Variants in GATAD1 observed in about 807,000 individuals in gnomAD.
GATAD1 encodes GATA zinc finger domain-containing protein 1.
Under a neutral mutation model 26.5 loss-of-function variants are expected in GATAD1, and 12 were observed. The observed-to-expected ratio is 0.45, with a 90% CI of 0.29 to 0.73. The LOEUF is 0.73. Ranked by LOEUF, GATAD1 falls within the 30% of genes least tolerant of loss-of-function variation. The pLI is 0.10. For missense variants in GATAD1, 266 were observed against 342.1 expected, an observed-to-expected ratio of 0.78 and a Z score of 1.75; for synonymous variants, 129 against 133.1, an observed-to-expected ratio of 0.97 and a Z score of 0.21.
intron 4 of GATAD1, 92 bp from the exon 5 acceptor site, chr7:92,456,280 G>A (rs1789667424): frequency 4.3e-6 from 3 of 696,004 alleles, no homozygotes; most frequent in Non-Finnish European, 2.4e-6. Flanking sequence ...CTCCCAGAGT[G>A]GTCTCTCCCA....
the GATAD1 span, chr7:92,477,324 C>T: frequency 6.6e-6 from 1 of 152,302 alleles, no homozygotes; most frequent in African/African-American, 2.4e-5. Context: ...GTATTTTCCT[C>T]CAATTCTAAG....
At chr7:92,463,377 G>A (rs1371717302), downstream of GATAD1, among the ~76,000 whole-genome samples, 6 of 152,118 alleles carry the variant, frequency 3.9e-5, no homozygotes, top group Admixed American at 6.6e-5. Flanking sequence ...CTGGGCTGGC[G>A]CAGTGGCTCA....
the GATAD1 span, among the ~76,000 whole-genome samples, chr7:92,482,264 C>T: frequency 6.6e-6 from 1 of 152,148 alleles, no homozygotes; most frequent in Non-Finnish European, 1.5e-5. Context: ...GTGAAAAAAG[C>T]ATCTTTAAGA....
At chr7:92,468,621 G>A in the GATAD1 span, 13 of 561,204 alleles carry the variant, frequency 2.3e-5, no homozygotes, top group Admixed American at 9.9e-5. Flanking sequence ...TGCAAGCCCC[G>A]TGTTTAAAGG....
chr7:92,470,114 T>G, the GATAD1 span: 1 of 778,890 alleles, frequency 1.3e-6, no homozygotes, highest in Non-Finnish European at 2.4e-6. Context: ...TTAATCATTT[T>G]TCCTGTCCAA....
chr7:92,494,170 TA>T, the GATAD1 span: 1 of 782,628 alleles, frequency 1.3e-6, no homozygotes, highest in East Asian at 2.7e-5. Flanking sequence ...AAACAGTGGC[TA>T]AAGCTTTTCC....
At chr7:92,487,643 G>A in the GATAD1 span, 15 of 515,992 alleles carry the variant, frequency 2.9e-5, no homozygotes, top group Admixed American at 2.7e-4. Context: ...AGAAATGAAC[G>A]GGAAATAACA....
the GATAD1 span, among the ~76,000 whole-genome samples, chr7:92,479,324 T>A: frequency 6.6e-6 from 1 of 151,830 alleles, no homozygotes; most frequent in African/African-American, 2.4e-5. Context: ...GGTGGGGCCA[T>A]TTTATAGGAT....
At chr7:92,454,869 A>G (rs1789602890) in intron 4 of GATAD1, among the ~76,000 whole-genome samples, 184 bp downstream of exon 4, 1 of 152,194 alleles carries the variant, frequency 6.6e-6, no homozygotes, top group South Asian at 2.1e-4. Flanking sequence ...TGCTGGCAAC[A>G]CGGATTTCTG....
At chr7:92,492,936 T>G in the GATAD1 span, 1 of 1,598,064 alleles carries the variant, frequency 6.3e-7, no homozygotes, top group African/African-American at 1.3e-5. Flanking sequence ...TCATAACAAC[T>G]TCCTCATATA....
chr7:92,492,890 T>G, the GATAD1 span: 1 of 1,297,694 alleles, frequency 7.7e-7, no homozygotes, highest in Non-Finnish European at 1.1e-6. Flanking sequence ...AAGGTGGAAA[T>G]TTTGACATTG....
At position 92,454,581 on chromosome 7, in the gene GATAD1, G is replaced by C. The variant is rs1237515001; in HGVS notation, c.515G>C (p.Gly172Ala). Residue 172 changes from glycine to alanine, a missense_variant, in exon 4 of 5, where the codon GGT (glycine) becomes GCT (alanine). Gly to Ala is a moderately conservative substitution (Grantham distance 60, BLOSUM62 0). Transcript: ENST00000287957. ...DGKPYYAQIR[G>A]FIQDQYCEKS... The stretch of plus-strand genomic sequence containing the variant: ...AAGCCCTACTATGCTCAAATCAGAG[G>C]TTTTATCCAGGACCAGTATTGCGAG... 2 of 1,613,102 alleles carry C rather than the reference G, an allele frequency of 1.2e-6. No homozygotes were observed. The highest frequency in any genetic ancestry group is 1.7e-6 in the Non-Finnish European group (2 of 1,179,176).
chr7:92,482,450 T>G, the GATAD1 span, among the ~76,000 whole-genome samples: 3 of 152,160 alleles, frequency 2.0e-5, no homozygotes, highest in East Asian at 5.8e-4. Flanking sequence ...TATGGAGAGT[T>G]TATAGGTTTT....
chr7:92,468,938 C>T, the GATAD1 span: 1 of 763,978 alleles, frequency 1.3e-6, no homozygotes, highest in Non-Finnish European at 2.4e-6. Context: ...AGTTTTACAG[C>T]TTCGATTCTG....
the GATAD1 span, among the ~76,000 whole-genome samples, chr7:92,474,012 G>C: frequency 6.6e-6 from 1 of 152,044 alleles, no homozygotes; most frequent in Non-Finnish European, 1.5e-5. Flanking sequence ...ACTTCTACTT[G>C]GACAATCTTT....
the GATAD1 span, chr7:92,472,640 T>C: frequency 1.3e-5 from 2 of 152,240 alleles, no homozygotes; most frequent in African/African-American, 2.4e-5. Flanking sequence ...CCTTAATTAG[T>C]GTATTTAATG....
chr7:92,452,393 G>T (rs1166243665), intron 3 of GATAD1, among the ~76,000 whole-genome samples: 1 of 152,244 alleles, frequency 6.6e-6, no homozygotes, highest in Non-Finnish European at 1.5e-5. Context: ...ATGGTGGCAA[G>T]TTCAAGAGGT....
At chr7:92,488,046 C>T in the GATAD1 span, among the ~76,000 whole-genome samples, 3 of 152,190 alleles carry the variant, frequency 2.0e-5, no homozygotes, top group Admixed American at 6.5e-5. Context: ...TTCATTACCA[C>T]ATTGCCTGGG....
Position 92,456,407 on chromosome 7 carries a change from T to A in GATAD1, c.655T>A (p.Leu219Met), listed in dbSNP as rs1458197637. 6.2e-7 allele frequency: 1 copy of A among 1,612,988 alleles called. No individual in the cohort carries two copies. Among genetic ancestry groups the A allele is most frequent in the East Asian group, 2.2e-5 (1 of 44,874 alleles). Residue 219 changes from leucine (L) to methionine (M), a missense_variant, in exon 5 of 5, where the codon TTG (leucine) becomes ATG (methionine). Physicochemically the swap from Leu to Met is conservative, Grantham distance 15. Coordinates refer to ENST00000287957, the MANE Select transcript of GATAD1 (RefSeq NM_021167.5). ...EEDLPRKMEY[L>M]EFVCHAPSEY... ...AGATCTTCCAAGGAAGATGGAATACTTGGAATTTGTTTGTCATGCACCTTC... is the reference window on the plus strand; with the variant it reads ...AGATCTTCCAAGGAAGATGGAATACATGGAATTTGTTTGTCATGCACCTTC...
Sources: gnomAD v4.1 joint callset for allele counts (sites outside exome capture counted in the v4.1 genomes callset) on GRCh38, gnomAD v4.1.1 for gene constraint, MANE v1.5 for transcripts, NCBI Gene and HGNC (gene_info 2026-07-23, HGNC 2026-07-21) for gene names.